The following VPS41 variants were observed in gnomAD, a reference collection of about 807,000 sequenced individuals.
The protein encoded by VPS41 is VPS41 subunit of HOPS complex.
A neutral mutation model predicts 130.9 loss-of-function variants in VPS41; 85 were observed. The observed-to-expected ratio is 0.65, with a 90% CI of 0.55 to 0.78. The LOEUF is 0.78. VPS41 is among the 30% of genes least tolerant of loss of function. The probability of loss-of-function intolerance (pLI) is 0.00; values close to 1 mark genes in which losing one functional copy is unlikely to be tolerated. For synonymous variants in VPS41, 335 were observed against 332.9 expected (o/e 1.01, Z -0.07); for missense variants, 874 against 1,018.7 (o/e 0.86, Z 1.93).
chr7:38,901,625 C>T (rs937477485), intron 1 of VPS41, among the ~76,000 whole-genome samples: 7 of 152,202 alleles, frequency 4.6e-5, no homozygotes, highest in Non-Finnish European at 1.0e-4. Context: ...CCCATTAGAT[C>T]TCCCACCTCT....
rs939055821 is a variant in VPS41, at chr7:38,728,205, TCAA to T, written c.2404+334_2404+336del. Reference sequence around the variant, plus strand: ...AAGAAGGGCCCCTGAACCAGTGGCATCAACATTACCTGGGAACTTGTTAGAAAT... The same window carrying T: ...AAGAAGGGCCCCTGAACCAGTGGCATCATTACCTGGGAACTTGTTAGAAAT... On this transcript the variant is annotated intron_variant, in intron 27 of 28. Coordinates refer to ENST00000310301, the MANE Select transcript of VPS41 (RefSeq NM_014396.4). 3 of 481,028 alleles carry T rather than the reference TCAA, an allele frequency of 6.2e-6. No individual in the cohort carries two copies. The East Asian group carries it at 1.2e-4, about 19-fold the overall frequency. The allele number at this position is 481,028 out of a possible 1,614,324, so 29.8% of individuals were successfully genotyped here. A position where few individuals can be genotyped will look rare whatever the true frequency, so the allele number is the denominator to read the frequency against.
At chr7:38,756,420 T>C (rs975856045) in intron 19 of VPS41, among the ~76,000 whole-genome samples, 2 of 152,208 alleles carry the variant, frequency 1.3e-5, no homozygotes, top group Non-Finnish European at 2.9e-5. Flanking sequence ...GCTGGATACG[T>C]GAACACCAAG....
intron 7 of VPS41, among the ~76,000 whole-genome samples, chr7:38,808,640 GGTAA>G (rs1784882431): frequency 6.6e-6 from 1 of 152,146 alleles, no homozygotes; most frequent in South Asian, 2.1e-4. Flanking sequence ...AAACTACAAT[GGTAA>G]GTAATGTGGG....
intron 4 of VPS41, among the ~76,000 whole-genome samples, chr7:38,855,089 G>A (rs1277309614): frequency 6.6e-6 from 1 of 151,580 alleles, no homozygotes; most frequent in South Asian, 2.1e-4. Flanking sequence ...CATGCCTGTA[G>A]TCCCAGCTAC....
chr7:38,788,210 G>A (rs1457682018), intron 10 of VPS41, among the ~76,000 whole-genome samples: 1 of 152,198 alleles, frequency 6.6e-6, no homozygotes, highest in African/African-American at 2.4e-5. Flanking sequence ...GGATGGTCAA[G>A]AAGGTTAAGT....
intron 12 of VPS41, among the ~76,000 whole-genome samples, 153 bp downstream of exon 12, chr7:38,773,962 T>A (rs977207546): frequency 2.6e-5 from 4 of 152,174 alleles, no homozygotes; most frequent in African/African-American, 9.7e-5. Context: ...CATCTCTGCA[T>A]CCAAATGTCC....
rs776786539 is a variant in VPS41, at chr7:38,728,472, AT to A, written c.2404+69del. The A allele has an allele frequency of 5.4e-5, 85 of 1,561,380 alleles. No individual in the cohort carries two copies. In the African/African-American group the frequency reaches 1.1e-3, roughly 21 times the overall value. On this transcript the variant is annotated intron_variant, in intron 27 of 28. Coordinates refer to ENST00000310301, the MANE Select transcript of VPS41 (RefSeq NM_014396.4). ...TAGTTTTATAAACGGTAGTTGGCTA[AT>A]TCCAAAATTTTGATTCCACTCATCA...
intron 5 of VPS41, 36 bp from the exon 6 acceptor site, chr7:38,821,301 C>G: frequency 6.7e-7 from 1 of 1,489,866 alleles, no homozygotes. Flanking sequence ...CTCACCATGA[C>G]AGCAATAGAG....
chr7:38,753,583 AG>A (rs1783726994), intron 21 of VPS41, among the ~76,000 whole-genome samples: 1 of 152,182 alleles, frequency 6.6e-6, no homozygotes, highest in Non-Finnish European at 1.5e-5. Flanking sequence ...ATTGCCTGGC[AG>A]GGAAGATGAG....
At chr7:38,765,858 C>T in intron 15 of VPS41, 197 bp from the exon 16 acceptor site, 4 of 462,308 alleles carry the variant, frequency 8.7e-6, no homozygotes, top group Non-Finnish European at 7.5e-6. Context: ...CATAAATTAA[C>T]ACAACTTATA....
intron 18 of VPS41, among the ~76,000 whole-genome samples, chr7:38,757,751 G>A (rs1020800767): frequency 2.6e-5 from 4 of 152,230 alleles, no homozygotes; most frequent in East Asian, 1.9e-4. Context: ...AGGGATGGTC[G>A]TCTTGGCTAG....
intron 24 of VPS41, among the ~76,000 whole-genome samples, chr7:38,743,073 A>C (rs1011775813): frequency 3.4e-5 from 1 of 29,496 alleles, no homozygotes; most frequent in Admixed American, 4.7e-4. Flanking sequence ...ATACAAGCTA[A>C]AAACAAAAAA....
Position 38,743,499 on chromosome 7 carries a change from C to T in VPS41, c.2025G>A (p.Glu675=), listed in dbSNP as rs773748998. ...NSRSALKMIM[E]ELHDVDKAIE... ...TTGCTTTATCAACATCATGTAATTC[C>T]TCCATAATCATCTTCAGGGCACTTC... is the stretch of plus-strand genomic sequence containing the variant. The change falls in exon 24 of 29, where the codon GAG becomes GAA. Residue 675 remains glutamate (E), a synonymous_variant. Transcript: ENST00000310301. 3 of 1,613,982 alleles carry T rather than the reference C, an allele frequency of 1.9e-6. No individual in the cohort carries two copies. In the South Asian group the frequency reaches 3.3e-5, roughly 18 times the overall value.
chr7:38,727,567 G>T (rs1381167846), intron 27 of VPS41, among the ~76,000 whole-genome samples: 1 of 152,182 alleles, frequency 6.6e-6, no homozygotes, highest in East Asian at 1.9e-4. Context: ...AATGTATGTG[G>T]TTCCTTTTTG....
intron 1 of VPS41, among the ~76,000 whole-genome samples, chr7:38,902,626 C>CGCCT (rs1408785073): frequency 1.3e-5 from 2 of 152,280 alleles, no homozygotes; most frequent in Non-Finnish European, 2.9e-5. Flanking sequence ...CACCAAGGCA[C>CGCCT]GCCTGCTCAT....
intron 3 of VPS41, among the ~76,000 whole-genome samples, chr7:38,864,831 C>T (rs984492749): frequency 6.6e-6 from 1 of 151,698 alleles, no homozygotes; most frequent in Non-Finnish European, 1.5e-5. Context: ...TTTCACTAGA[C>T]CCTTTCATGT....
At position 38,898,147 on chromosome 7, in the gene VPS41, A is replaced by T. The variant is rs1376853088; in HGVS notation, c.22-18T>A. On this transcript the variant is annotated intron_variant, in intron 1 of 28. Transcript: ENST00000310301. ...CCAGTTTCCTATAAAGCATAGAAAA[A>T]GAAAATGGTCAGAAGAGATGATAAA... is the stretch of plus-strand genomic sequence containing the variant. 7 of 1,608,614 alleles carry T rather than the reference A, an allele frequency of 4.4e-6. No homozygotes were observed. Among genetic ancestry groups the T allele is most frequent in the Non-Finnish European group, 6.0e-6 (7 of 1,175,156 alleles).
chr7:38,772,750 C>T, intron 12 of VPS41, 113 bp from the exon 13 acceptor site: 1 of 625,278 alleles, frequency 1.6e-6, no homozygotes, highest in Non-Finnish European at 2.8e-6. Context: ...GAAAATGTGT[C>T]TATCTTTGTT....
chr7:38,877,288 T>C (rs544890028), intron 2 of VPS41, among the ~76,000 whole-genome samples: 74 of 152,112 alleles, frequency 4.9e-4, no homozygotes, highest in African/African-American at 1.7e-3. Flanking sequence ...CAAAGGAACC[T>C]CAGAGATCAT....
Sources: allele counts gnomAD v4.1 joint callset (sites outside exome capture counted in the v4.1 genomes callset), GRCh38; gene constraint gnomAD v4.1.1; transcripts MANE v1.5; gene names NCBI Gene and HGNC (gene_info 2026-07-23, HGNC 2026-07-21).